The following CD1B variants were observed in gnomAD, a reference collection of about 807,000 sequenced individuals.
CD1B encodes the protein CD1b molecule.
CD1B carries 43 observed loss-of-function variants against 39.8 expected under a neutral mutation model. The ratio of observed to expected loss-of-function variants is 1.08; its 90% confidence interval spans 0.85 to 1.39. CD1B has a LOEUF of 1.39. Among genes scored for constraint, CD1B ranks in the 40% most tolerant of loss-of-function variants. The pLI, the probability that CD1B is intolerant of heterozygous loss-of-function variation, is 0.00. For synonymous variants in CD1B, 192 were observed against 152.5 expected, an observed-to-expected ratio of 1.26 and a Z score of -1.91; for missense variants, 495 against 403.8, an observed-to-expected ratio of 1.23 and a Z score of -1.94.
At chr1:158,290,318 T>C in the CD1B span, among the ~76,000 whole-genome samples, 1 of 152,272 alleles carries the variant, frequency 6.6e-6, no homozygotes, top group Admixed American at 6.5e-5. Context: ...GCTAAAGTAG[T>C]CATTAATGTT....
chr1:158,291,816 C>T, the CD1B span, among the ~76,000 whole-genome samples: 2 of 152,170 alleles, frequency 1.3e-5, no homozygotes, highest in Admixed American at 6.5e-5. Context: ...CCCCTTCACC[C>T]TCTATCCTAT....
At chr1:158,323,200 C>G (rs1306889217), downstream of CD1B, among the ~76,000 whole-genome samples, 1 of 151,814 alleles carries the variant, frequency 6.6e-6, no homozygotes, top group Non-Finnish European at 1.5e-5. Flanking sequence ...TTCTTTTTCC[C>G]ACTTTGGCCA....
At chr1:158,302,064 T>G in the CD1B span, among the ~76,000 whole-genome samples, 1 of 151,842 alleles carries the variant, frequency 6.6e-6, no homozygotes, top group African/African-American at 2.4e-5. Context: ...TTCAACACAT[T>G]CAAAAAAACC....
the CD1B span, among the ~76,000 whole-genome samples, chr1:158,305,847 G>A: frequency 1.4e-4 from 21 of 152,290 alleles, 1 homozygote; most frequent in African/African-American, 4.3e-4. Flanking sequence ...CATAAGTGAA[G>A]GAGAAATAAA....
chr1:158,300,821 C>T, the CD1B span, among the ~76,000 whole-genome samples: 15 of 145,440 alleles, frequency 1.0e-4, no homozygotes, highest in Non-Finnish European at 1.3e-4. Flanking sequence ...TACAGTGGTG[C>T]GATCTCAGCT....
chr1:158,318,692 T>A, the CD1B span, among the ~76,000 whole-genome samples: 147 of 152,320 alleles, frequency 9.7e-4, 1 homozygote, highest in African/African-American at 3.4e-3. Context: ...ATGTGTGAAT[T>A]TGATCCTGTC....
chr1:158,328,896 A>G, intron 5 of CD1B, 25 bp downstream of exon 5: 1 of 1,535,900 alleles, frequency 6.5e-7, no homozygotes, highest in East Asian at 2.3e-5. Flanking sequence ...TATTAAAAAA[A>G]AAAACAACAC....
the CD1B span, among the ~76,000 whole-genome samples, chr1:158,307,927 G>C: frequency 6.6e-6 from 1 of 152,296 alleles, no homozygotes; most frequent in Non-Finnish European, 1.5e-5. Context: ...ACTGGCACAA[G>C]ACAGGGATGC....
chr1:158,331,087 G>T (rs1652585311), intron 1 of CD1B, 25 bp from the exon 2 acceptor site: 1 of 1,576,812 alleles, frequency 6.3e-7, no homozygotes, highest in Non-Finnish European at 8.6e-7. Flanking sequence ...AAAGCAAGAT[G>T]GTGAAGATAA....
At chr1:158,324,430 C>T (rs2101705903), downstream of CD1B, among the ~76,000 whole-genome samples, 1 of 152,256 alleles carries the variant, frequency 6.6e-6, no homozygotes, top group Non-Finnish European at 1.5e-5. Context: ...CCTCCTATTC[C>T]ACCATCTTTC....
the CD1B span, among the ~76,000 whole-genome samples, chr1:158,316,986 C>T: frequency 1.3e-5 from 2 of 151,352 alleles, no homozygotes. Context: ...ATTGAACCAG[C>T]CTTGCATCCC....
chr1:158,307,552 G>T, the CD1B span, among the ~76,000 whole-genome samples: 33 of 152,132 alleles, frequency 2.2e-4, no homozygotes, highest in African/African-American at 7.5e-4. Flanking sequence ...CCAATCAATA[G>T]AAAAAGAGGG....
At chr1:158,322,161 T>C in the CD1B span, among the ~76,000 whole-genome samples, 1 of 152,324 alleles carries the variant, frequency 6.6e-6, no homozygotes, top group South Asian at 2.1e-4. Flanking sequence ...TGTATTTTTG[T>C]ATTCATACTA....
chr1:158,297,711 T>C, the CD1B span, among the ~76,000 whole-genome samples: 1 of 152,114 alleles, frequency 6.6e-6, no homozygotes, highest in African/African-American at 2.4e-5. Flanking sequence ...GGCAGGCCGA[T>C]TGCTTGATCC....
the CD1B span, among the ~76,000 whole-genome samples, chr1:158,318,339 G>T: frequency 2.0e-5 from 3 of 152,274 alleles, no homozygotes; most frequent in African/African-American, 7.2e-5. Context: ...TTATGGATCT[G>T]GGTGCTCCTG....
chr1:158,292,006 T>C, the CD1B span: 1 of 1,427,126 alleles, frequency 7.0e-7, no homozygotes, highest in South Asian at 1.4e-5. Flanking sequence ...CTTCACTTCC[T>C]GATACAGCCC....
chr1:158,308,521 A>C, the CD1B span, among the ~76,000 whole-genome samples: 2 of 152,224 alleles, frequency 1.3e-5, no homozygotes, highest in Non-Finnish European at 2.9e-5. Flanking sequence ...CCGCATTGCC[A>C]AGTCAATCCT....
Position 158,331,053 on chromosome 1 carries a change from C to A in CD1B, c.71G>T (p.Gly24Val), listed in dbSNP as rs772534827. 1.9e-6 allele frequency: 3 copies of A among 1,609,862 alleles called. No homozygotes were observed. Among genetic ancestry groups the A allele is most frequent in the Admixed American group, 3.4e-5 (2 of 59,350 alleles). ...CTGGATAACATGAAAGGAGGTCGGC[C>A]CCTGGAAGGCTGTGAAGAGTGGAAA... ...PGGNSEHAFQ[G>V]PTSFHVIQTS... is the part of the protein sequence containing the mutation. The change falls in exon 2 of 6, where the codon GGG becomes GTG. Residue 24 changes from glycine (G) to valine (V), a missense_variant. Physicochemically the swap from Gly to Val is moderately radical, Grantham distance 109 (BLOSUM62 -3). Coordinates refer to ENST00000368168, the MANE Select transcript of CD1B (RefSeq NM_001764.3).
the CD1B span, among the ~76,000 whole-genome samples, chr1:158,314,549 A>T: frequency 1.3e-5 from 2 of 152,100 alleles, no homozygotes; most frequent in Non-Finnish European, 2.9e-5. Flanking sequence ...ACATGAGGTT[A>T]TCTGAAATCT....
Sources: gnomAD v4.1 joint callset for allele counts (sites outside exome capture counted in the v4.1 genomes callset) on GRCh38, gnomAD v4.1.1 for gene constraint, MANE v1.5 for transcripts, NCBI Gene and HGNC (gene_info 2026-07-23, HGNC 2026-07-21) for gene names.